GALNT13: variants seen among roughly 807,000 people sequenced by gnomAD.
The protein encoded by GALNT13 is polypeptide N-acetylgalactosaminyltransferase 13, also known as UDP-GalNAc:polypeptide N-acetylgalactosaminyltransferase 13.
In GALNT13, 28 loss-of-function variants were observed where a neutral mutation model predicts 64.2. That is an observed-to-expected ratio of 0.44 (90% CI 0.32 to 0.60). The LOEUF (loss-of-function observed/expected upper bound fraction) is 0.60. Ranked by LOEUF, GALNT13 falls within the 20% of genes least tolerant of loss-of-function variation. GALNT13 has a pLI of 0.05. For synonymous variants in GALNT13, 214 were observed against 224.6 expected (o/e 0.95, Z 0.42); for missense variants, 577 against 669.8 (o/e 0.86, Z 1.53).
chr2:153,680,009 T>A, the GALNT13 span, among the ~76,000 whole-genome samples: 1 of 151,924 alleles, frequency 6.6e-6, no homozygotes, highest in African/African-American at 2.4e-5. Flanking sequence ...AAATTTATAA[T>A]CTTCCCTATA....
At chr2:153,149,856 A>G in the GALNT13 span, among the ~76,000 whole-genome samples, 2 of 151,906 alleles carry the variant, frequency 1.3e-5, no homozygotes, top group African/African-American at 4.8e-5. Flanking sequence ...TACCTGAAGA[A>G]AACATTCTCT....
At chr2:154,416,650 T>C (rs1406988648) in intron 11 of GALNT13, among the ~76,000 whole-genome samples, 1 of 152,166 alleles carries the variant, frequency 6.6e-6, no homozygotes, top group East Asian at 1.9e-4. Flanking sequence ...GGCTAGCTTT[T>C]TGGGGGATCA....
chr2:153,119,843 A>G, the GALNT13 span, among the ~76,000 whole-genome samples: 1 of 152,158 alleles, frequency 6.6e-6, no homozygotes. Context: ...TTCAGTTGTG[A>G]ACTGTGGTAG....
At chr2:154,110,378 CAGAGAGAGAGAG>C (rs1293098530) in intron 3 of GALNT13, among the ~76,000 whole-genome samples, 2 of 50,042 alleles carry the variant, frequency 4.0e-5, no homozygotes, top group South Asian at 9.5e-4. Context: ...GAGAGAGAGA[CAGAGAGAGAGAG>C]AGAGAGAGAG....
the GALNT13 span, among the ~76,000 whole-genome samples, chr2:153,411,177 A>T: frequency 5.2e-3 from 590 of 112,608 alleles, 1 homozygote; most frequent in Non-Finnish European, 6.9e-3. Flanking sequence ...ATATATATAT[A>T]TATTTTTTTT....
rs10166611 is a variant in GALNT13 at position 154,420,528 on chromosome 2, C to G, written c.1395+11446C>G. The stretch of plus-strand genomic sequence containing the variant: ...CCTTACTCATTACTGTGAAATGTAT[C>G]CTTGTTCAAGTAACCTTCCGGCCAA... On this transcript the variant is annotated intron_variant, in intron 11 of 12. Transcript: ENST00000392825. 8.2e-3 allele frequency among the ~76,000 whole-genome samples: 1,240 copies of G among 152,142 alleles called. 20 individuals are homozygous for G. Among genetic ancestry groups the G allele is most frequent in the African/African-American group, 0.028 (1,173 of 41,528 alleles).
the GALNT13 span, among the ~76,000 whole-genome samples, chr2:153,791,888 A>G: frequency 2.0e-5 from 3 of 152,168 alleles, no homozygotes; most frequent in African/African-American, 7.2e-5. Context: ...ACACATGGAC[A>G]TAAAGTGATA....
intron 4 of GALNT13, among the ~76,000 whole-genome samples, chr2:154,197,382 T>G (rs1412043535): frequency 6.6e-6 from 1 of 152,082 alleles, no homozygotes; most frequent in Non-Finnish European, 1.5e-5. Context: ...CAAAGAAGCC[T>G]AGGGCAATGA....
At chr2:153,707,553 T>A in the GALNT13 span, among the ~76,000 whole-genome samples, 1 of 152,326 alleles carries the variant, frequency 6.6e-6, no homozygotes, top group Admixed American at 6.5e-5. Context: ...AGTAGTTCAA[T>A]GTATGTGCTA....
chr2:153,256,617 G>A, the GALNT13 span, among the ~76,000 whole-genome samples: 9 of 152,182 alleles, frequency 5.9e-5, no homozygotes, highest in Admixed American at 1.3e-4. Context: ...TTTGGTCTTT[G>A]AGGATGGTGA....
chr2:154,115,691 G>A (rs1244471805), intron 3 of GALNT13, among the ~76,000 whole-genome samples: 1 of 152,128 alleles, frequency 6.6e-6, no homozygotes, highest in Non-Finnish European at 1.5e-5. Flanking sequence ...AAAGTGCTGG[G>A]ATTACAGGTG....
chr2:153,973,693 G>A (rs1030623100), intron 3 of GALNT13, among the ~76,000 whole-genome samples: 9 of 151,980 alleles, frequency 5.9e-5, no homozygotes, highest in Admixed American at 3.9e-4. Flanking sequence ...CTTTCATATA[G>A]CAGGTACAGA....
chr2:153,436,686 A>G, the GALNT13 span, among the ~76,000 whole-genome samples: 5 of 152,186 alleles, frequency 3.3e-5, no homozygotes, highest in Non-Finnish European at 7.4e-5. Flanking sequence ...CCTCTTTATC[A>G]TTTTTTATTG....
chr2:153,758,149 G>A, the GALNT13 span, among the ~76,000 whole-genome samples: 44 of 151,960 alleles, frequency 2.9e-4, no homozygotes, highest in Admixed American at 4.6e-4. Context: ...AGTTTGAGTC[G>A]CTTTTGTATA....
chr2:153,350,181 A>G, the GALNT13 span, among the ~76,000 whole-genome samples: 2 of 152,142 alleles, frequency 1.3e-5, no homozygotes, highest in African/African-American at 4.8e-5. Context: ...TTTGAGAATC[A>G]AAAAAGTTTA....
At chr2:153,129,835 G>A in the GALNT13 span, among the ~76,000 whole-genome samples, 27 of 152,010 alleles carry the variant, frequency 1.8e-4, no homozygotes, top group African/African-American at 6.5e-4. Flanking sequence ...CTTCAAAGTA[G>A]AAACTCTAGG....
chr2:154,452,880 T>C lies in GALNT13; in HGVS notation c.*2329T>C, dbSNP rs1701923823. 1 of 152,176 alleles carries C rather than the reference T, an allele frequency of 6.6e-6. No individual in the cohort carries two copies. The highest frequency in any genetic ancestry group is 1.5e-5 in the Non-Finnish European group (1 of 68,032). The allele number at this position is 152,176 out of a possible 1,614,324, so 9.4% of individuals were successfully genotyped here. Reference sequence around the variant, plus strand: ...TTGGATTCATAATGCACTTGTCTTATCCCTTATTTATGGAGCTAGACTGAC... The same window carrying C: ...TTGGATTCATAATGCACTTGTCTTACCCCTTATTTATGGAGCTAGACTGAC... On this transcript the variant is annotated 3_prime_UTR_variant, in exon 13 of 13. Transcript: ENST00000392825.
At chr2:153,955,919 G>A (rs1326959531) in intron 3 of GALNT13, among the ~76,000 whole-genome samples, 1 of 152,176 alleles carries the variant, frequency 6.6e-6, no homozygotes, top group Non-Finnish European at 1.5e-5. Flanking sequence ...AAAGCAGGCA[G>A]CACACTACCG....
At chr2:153,386,439 C>T in the GALNT13 span, among the ~76,000 whole-genome samples, 1 of 151,756 alleles carries the variant, frequency 6.6e-6, no homozygotes, top group Non-Finnish European at 1.5e-5. Flanking sequence ...AAAGACAACA[C>T]AACAGAGAAA....
Sources: gnomAD v4.1 joint callset for allele counts (sites outside exome capture counted in the v4.1 genomes callset) on GRCh38, gnomAD v4.1.1 for gene constraint, MANE v1.5 for transcripts, NCBI Gene and HGNC (gene_info 2026-07-23, HGNC 2026-07-21) for gene names.